The following EIF4E3 variants were observed in gnomAD, a reference collection of about 807,000 sequenced individuals.
EIF4E3 encodes the protein eukaryotic translation initiation factor 4E type 3.
A neutral mutation model predicts 31.7 loss-of-function variants in EIF4E3; 26 were observed. The observed-to-expected ratio is 0.82, with a 90% CI of 0.60 to 1.14. The LOEUF (loss-of-function observed/expected upper bound fraction) is 1.14. EIF4E3 is among the 50% of genes most tolerant of loss of function. The pLI is 0.00. For synonymous variants in EIF4E3, 128 were observed against 107.7 expected, an observed-to-expected ratio of 1.19 and a Z score of -1.17; for missense variants, 304 against 270.9, an observed-to-expected ratio of 1.12 and a Z score of -0.86.
Position 71,712,434 on chromosome 3 carries a change from A to G in EIF4E3, c.177-1950T>C, listed in dbSNP as rs543959566. ...CTTTAATTATTTTTTAAATCAGGGG[A>G]AAAAAACTTCAAAACTCTTAAACTT... On this transcript the variant is annotated intron_variant, in intron 1 of 6. Transcript: ENST00000425534. Among the ~76,000 whole-genome samples, 127 of 152,170 alleles carry G rather than the reference A, an allele frequency of 8.3e-4. 1 individual carries two copies. The highest frequency in any genetic ancestry group is 3.1e-3 in the South Asian group (15 of 4,816).
chr3:71,667,941 G>A, the EIF4E3 span, among the ~76,000 whole-genome samples: 1 of 152,164 alleles, frequency 6.6e-6, no homozygotes, highest in South Asian at 2.1e-4. Flanking sequence ...AGCCTGTATA[G>A]TCAAGACAAT....
At chr3:71,662,405 G>A in the EIF4E3 span, among the ~76,000 whole-genome samples, 2 of 152,176 alleles carry the variant, frequency 1.3e-5, no homozygotes, top group African/African-American at 2.4e-5. Context: ...AAGATTACAT[G>A]AGCTAATGCA....
rs535318500 is a variant in EIF4E3, at chr3:71,676,591, C to A, written c.*8091G>T. The A allele has an allele frequency of 7.2e-5, 11 of 152,128 alleles. No homozygotes were observed. The highest frequency in any genetic ancestry group is 2.7e-4 in the African/African-American group (11 of 41,470). The allele number at this position is 152,128 out of a possible 1,614,324, so 9.4% of individuals were successfully genotyped here. A position where few individuals can be genotyped will look rare whatever the true frequency, so the allele number is the denominator to read the frequency against. On this transcript the variant is annotated 3_prime_UTR_variant, in exon 7 of 7. Transcript: ENST00000425534. ...TGATGCATGTCACTGTGTGTTATTG[C>A]TTTATTACACTTTTAAAAATACTTC...
downstream of EIF4E3, among the ~76,000 whole-genome samples, chr3:71,670,688 C>T (rs867162733): frequency 2.6e-5 from 4 of 152,216 alleles, no homozygotes; most frequent in Middle Eastern, 3.4e-3. Context: ...CAACTGGCCA[C>T]GTATCTCAAA....
rs1559585656 is a variant in EIF4E3 at position 71,682,802 on chromosome 3, C to T, written c.*1880G>A. On this transcript the variant is annotated 3_prime_UTR_variant, in exon 7 of 7. Coordinates refer to ENST00000425534, the MANE Select transcript of EIF4E3 (RefSeq NM_001134651.2). ...AAAGTTGAACATGTCATCACAAATG[C>T]TTTAAATAAAGTTCAAAAAATAAAA... 6.6e-6 allele frequency: 1 copy of T among 152,330 alleles called. No individual in the cohort carries two copies. The highest frequency in any genetic ancestry group is 1.5e-5 in the Non-Finnish European group (1 of 68,006). The allele number at this position is 152,330 out of a possible 1,614,324, so 9.4% of individuals were successfully genotyped here.
upstream of EIF4E3, among the ~76,000 whole-genome samples, chr3:71,726,374 G>C (rs530858287): frequency 2.0e-5 from 3 of 152,302 alleles, no homozygotes; most frequent in Non-Finnish European, 4.4e-5. Context: ...TGAGCCCAAA[G>C]TAGGAGGGGC....
intron 1 of EIF4E3, among the ~76,000 whole-genome samples, chr3:71,722,520 A>G (rs924387425): frequency 3.3e-5 from 5 of 152,242 alleles, no homozygotes; most frequent in African/African-American, 9.6e-5. Context: ...AAGACAGGAT[A>G]GTTTTAAATG....
chr3:71,709,688 T>C (rs2049347322), intron 2 of EIF4E3, among the ~76,000 whole-genome samples: 1 of 152,062 alleles, frequency 6.6e-6, no homozygotes, highest in South Asian at 2.1e-4. Context: ...GCCAGTTGTG[T>C]TTTTTCAGTT....
chr3:71,748,667 G>C (rs891455721), intron 1 of EIF4E3, among the ~76,000 whole-genome samples: 1 of 152,090 alleles, frequency 6.6e-6, no homozygotes, highest in African/African-American at 2.4e-5. Context: ...GAACAGGAAC[G>C]ATATGCCAAC....
the EIF4E3 span, among the ~76,000 whole-genome samples, chr3:71,662,011 G>A: frequency 1.2e-3 from 186 of 152,268 alleles, 1 homozygote; most frequent in Admixed American, 0.01. Context: ...TTAAGCAAGC[G>A]AATACATGTA....
intron 3 of EIF4E3, 142 bp downstream of exon 3, chr3:71,699,472 C>T: frequency 2.7e-6 from 2 of 751,522 alleles, no homozygotes; most frequent in East Asian, 2.5e-5. Context: ...GGACACTTAC[C>T]CCCAGACCCT....
chr3:71,729,798 A>ATGTGTGTGTGTGTGTGTG (rs3066626), upstream of EIF4E3, among the ~76,000 whole-genome samples: 1,422 of 129,726 alleles, frequency 0.011, 39 homozygotes, highest in Admixed American at 0.027. Context: ...TTCCAATAGA[A>ATGTGTGTGTGTGTGTGTG]TGTGTGTGTG....
At chr3:71,684,895 G>T (rs970292345) in intron 6 of EIF4E3, among the ~76,000 whole-genome samples, 167 bp from the exon 7 acceptor site, 1 of 152,118 alleles carries the variant, frequency 6.6e-6, no homozygotes, top group African/African-American at 2.4e-5. Flanking sequence ...TAGCTAAGGC[G>T]TGCATTTCCT....
At chr3:71,731,045 A>T (rs577846756) in intron 1 of EIF4E3, among the ~76,000 whole-genome samples, 8 of 152,102 alleles carry the variant, frequency 5.3e-5, no homozygotes, top group African/African-American at 1.9e-4. Flanking sequence ...CTTTATTCCC[A>T]CTGGTGCCAG....
intron 1 of EIF4E3, among the ~76,000 whole-genome samples, chr3:71,741,061 A>G (rs62248060): frequency 0.19 from 29,473 of 152,060 alleles, 2,912 homozygotes; most frequent in East Asian, 0.32. Flanking sequence ...GCTTGAAACC[A>G]GGAGGCAGAA....
intron 1 of EIF4E3, among the ~76,000 whole-genome samples, chr3:71,735,950 A>T (rs2049758226): frequency 6.6e-6 from 1 of 152,220 alleles, no homozygotes; most frequent in African/African-American, 2.4e-5. Flanking sequence ...AAATTTTTTA[A>T]TTCAACAATA....
At chr3:71,671,335 C>T (rs1439119631), downstream of EIF4E3, among the ~76,000 whole-genome samples, 2 of 151,938 alleles carry the variant, frequency 1.3e-5, no homozygotes, top group Admixed American at 6.6e-5. Flanking sequence ...CAGAGGGCTG[C>T]AGAGAGACCA....
At chr3:71,700,470 C>T (rs567337378) in intron 2 of EIF4E3, among the ~76,000 whole-genome samples, 7 of 151,954 alleles carry the variant, frequency 4.6e-5, no homozygotes, top group Non-Finnish European at 7.4e-5. Context: ...AAAAATTAGC[C>T]AGGCGTGGTG....
At chr3:71,713,591 C>T (rs1559602150) in intron 1 of EIF4E3, among the ~76,000 whole-genome samples, 1 of 152,022 alleles carries the variant, frequency 6.6e-6, no homozygotes, top group Non-Finnish European at 1.5e-5. Flanking sequence ...TGCATGTCAC[C>T]ACAGCCAGCT....
Sources: gnomAD v4.1 joint callset for allele counts (sites outside exome capture counted in the v4.1 genomes callset) on GRCh38, gnomAD v4.1.1 for gene constraint, MANE v1.5 for transcripts, NCBI Gene and HGNC (gene_info 2026-07-23, HGNC 2026-07-21) for gene names.